The following PDCD10 variants were observed in gnomAD, a reference collection of about 807,000 sequenced individuals.
PDCD10 encodes the protein programmed cell death 10.
A neutral mutation model predicts 29.2 loss-of-function variants in PDCD10; 4 were observed. The ratio of observed to expected loss-of-function variants is 0.14; its 90% CI spans 0.07 to 0.31. The LOEUF is 0.31. Ranked by LOEUF, PDCD10 falls within the 10% of genes least tolerant of loss-of-function variation. PDCD10 has a pLI of 1.00. For missense variants in PDCD10, 183 were observed against 257.9 expected (o/e 0.71, Z 1.99); for synonymous variants, 70 against 82.2 (o/e 0.85, Z 0.80).
chr3:167,694,238 A>T (rs1720561696), intron 6 of PDCD10: 1 of 171,616 alleles, frequency 5.8e-6, no homozygotes, highest in African/African-American at 2.4e-5. Context: ...ATTAAAAAAC[A>T]TTAGAGCTAC....
intron 3 of PDCD10, among the ~76,000 whole-genome samples, chr3:167,718,441 A>G (rs565396555): frequency 1.1e-3 from 161 of 152,214 alleles, no homozygotes; most frequent in Non-Finnish European, 2.0e-3. Flanking sequence ...TACAGCTGCC[A>G]AAGAGGGACA....
chr3:167,709,419 T>G (rs779270463), intron 3 of PDCD10, among the ~76,000 whole-genome samples: 6 of 152,058 alleles, frequency 3.9e-5, no homozygotes, highest in Non-Finnish European at 8.8e-5. Context: ...AAAGAATATG[T>G]GCACTTGGGT....
At chr3:167,724,009 C>G (rs947116525) in intron 2 of PDCD10, among the ~76,000 whole-genome samples, 40 of 152,212 alleles carry the variant, frequency 2.6e-4, no homozygotes, top group African/African-American at 9.2e-4. Context: ...ATTCGCCACT[C>G]CGCTGCCAAA....
intron 6 of PDCD10, 124 bp downstream of exon 6, chr3:167,695,472 A>C (rs1469097317): frequency 1.1e-6 from 1 of 876,116 alleles, no homozygotes. Flanking sequence ...GTGGTATTTA[A>C]AAATTTGAGA....
intron 6 of PDCD10, 23 bp downstream of exon 6, chr3:167,695,569 GAAGA>G (rs1720715381): frequency 2.5e-6 from 4 of 1,607,698 alleles, no homozygotes; most frequent in Non-Finnish European, 3.4e-6. Flanking sequence ...TTTAAGAAAA[GAAGA>G]AACAAAACAA....
chr3:167,688,019 CCTGT>C (rs1719812496), intron 6 of PDCD10, among the ~76,000 whole-genome samples: 1 of 152,158 alleles, frequency 6.6e-6, no homozygotes, highest in Non-Finnish European at 1.5e-5. Flanking sequence ...ATTACCTATG[CCTGT>C]CTTTTCCCAT....
intron 2 of PDCD10, among the ~76,000 whole-genome samples, chr3:167,728,387 A>AT (rs1176176279): frequency 2.6e-5 from 4 of 152,126 alleles, no homozygotes; most frequent in African/African-American, 9.7e-5. Context: ...AACCTTATAT[A>AT]AGTCTGAGGA....
Position 167,684,139 on chromosome 3 carries a change from A to C in PDCD10, c.*169T>G. ...AATCTTCAGTGTGAGATTATGATTAAGCTACATTTTACAAAAATATGGTGT... is the reference window on the plus strand; with the variant it reads ...AATCTTCAGTGTGAGATTATGATTACGCTACATTTTACAAAAATATGGTGT... On this transcript the variant is annotated 3_prime_UTR_variant, in exon 9 of 9. Transcript: ENST00000392750. 1 of 566,194 alleles carries C rather than the reference A, an allele frequency of 1.8e-6. No homozygotes were observed. The highest frequency in any genetic ancestry group is 2.0e-5 in the South Asian group (1 of 50,310). The allele number at this position is 566,194 out of a possible 1,614,324, so 35.1% of individuals were successfully genotyped here.
chr3:167,685,095 G>A (rs1038155165), intron 8 of PDCD10, among the ~76,000 whole-genome samples: 9 of 151,916 alleles, frequency 5.9e-5, no homozygotes, highest in East Asian at 1.9e-4. Context: ...GCATGCACCC[G>A]CATCCTAGAC....
intron 4 of PDCD10, among the ~76,000 whole-genome samples, chr3:167,700,150 T>C (rs887375238): frequency 2.6e-5 from 4 of 152,182 alleles, no homozygotes; most frequent in African/African-American, 9.7e-5. Flanking sequence ...CGTGTATATG[T>C]AATAAGTTTG....
At chr3:167,701,276 G>C (rs1721397284) in intron 4 of PDCD10, among the ~76,000 whole-genome samples, 2 of 152,012 alleles carry the variant, frequency 1.3e-5, no homozygotes, top group Non-Finnish European at 1.5e-5. Flanking sequence ...TATATAGCTA[G>C]ATCTACAGAT....
chr3:167,703,532 T>C (rs1344465600), intron 4 of PDCD10, among the ~76,000 whole-genome samples: 1 of 152,120 alleles, frequency 6.6e-6, no homozygotes, highest in African/African-American at 2.4e-5. Flanking sequence ...AATGGGCTTA[T>C]AGTTTCAACT....
intron 3 of PDCD10, among the ~76,000 whole-genome samples, chr3:167,710,764 A>G (rs1347665121): frequency 6.6e-6 from 1 of 152,226 alleles, no homozygotes; most frequent in Non-Finnish European, 1.5e-5. Flanking sequence ...GTGCTGTGCT[A>G]GCTTTAGGTC....
At position 167,730,710 on chromosome 3, in the gene PDCD10, CT is replaced by C. The variant is rs1724720872; in HGVS notation, c.-117+3503del. 2.0e-5 allele frequency: 3 copies of C among 152,276 alleles called. No individual in the cohort carries two copies. In the South Asian group the frequency reaches 6.2e-4, roughly 32 times the overall value. 9.4% of individuals were successfully genotyped at this position (152,276 alleles called of 1,614,324 possible). Reference sequence around the variant, plus strand: ...CCTTACTCTATGCCATACCGTGGTACTACAAATGACTGCAGAACTTGTTTCC... The same window carrying C: ...CCTTACTCTATGCCATACCGTGGTACACAAATGACTGCAGAACTTGTTTCC... On this transcript the variant is annotated intron_variant, in intron 2 of 8. Coordinates refer to ENST00000392750, the MANE Select transcript of PDCD10 (RefSeq NM_007217.4).
At chr3:167,721,683 C>T (rs1221593313) in intron 2 of PDCD10, among the ~76,000 whole-genome samples, 1 of 152,156 alleles carries the variant, frequency 6.6e-6, no homozygotes, top group Non-Finnish European at 1.5e-5. Flanking sequence ...ACTGTTTAGT[C>T]CCATTTCTGA....
In PDCD10 at chr3:167,703,690, T is replaced by A. The variant is rs147676587; in HGVS notation, c.150+1152A>T. Among the ~76,000 whole-genome samples the A allele has an allele frequency of 1.8e-4, 27 of 152,246 alleles. No homozygotes were observed. In the East Asian group the frequency reaches 4.6e-3, roughly 26 times the overall value. On this transcript the variant is annotated intron_variant, in intron 4 of 8. Coordinates refer to ENST00000392750, the MANE Select transcript of PDCD10 (RefSeq NM_007217.4). ...TATATATTTGGGATGGAGGACCAGA[T>A]AAAAGTTTTATATTAAAGAATGCAT... is the stretch of plus-strand genomic sequence containing the variant.
At chr3:167,706,557 T>C (rs1721993318) in intron 3 of PDCD10, among the ~76,000 whole-genome samples, 1 of 127,822 alleles carries the variant, frequency 7.8e-6, no homozygotes, top group African/African-American at 3.9e-5. Flanking sequence ...ATAAAAGAGG[T>C]AATGTTGCGC....
At chr3:167,686,701 T>C (rs1397925819) in intron 8 of PDCD10, among the ~76,000 whole-genome samples, 1 of 152,212 alleles carries the variant, frequency 6.6e-6, no homozygotes, top group Non-Finnish European at 1.5e-5. Context: ...CAATTTGCAA[T>C]TTGACTGTAA....
chr3:167,712,678 G>T (rs745386981), intron 3 of PDCD10, among the ~76,000 whole-genome samples: 2 of 151,808 alleles, frequency 1.3e-5, no homozygotes, highest in Non-Finnish European at 2.9e-5. Context: ...GTGGCAAATG[G>T]ATTAAAAAAC....
Sources: allele counts gnomAD v4.1 joint callset (sites outside exome capture counted in the v4.1 genomes callset), GRCh38; gene constraint gnomAD v4.1.1; transcripts MANE v1.5; gene names NCBI Gene and HGNC (gene_info 2026-07-23, HGNC 2026-07-21).